The following UBN1 variants were observed in gnomAD, a reference collection of about 807,000 sequenced individuals.
The protein encoded by UBN1 is ubinuclein-1.
A neutral mutation model predicts 108.5 loss-of-function variants in UBN1; 17 were observed. The observed-to-expected ratio is 0.16, with a 90% CI of 0.11 to 0.24. UBN1 has a LOEUF of 0.24. Ranked by LOEUF, UBN1 falls within the 10% of genes least tolerant of loss-of-function variation. The pLI, the probability that UBN1 is intolerant of heterozygous loss-of-function variation, is 1.00. For missense variants in UBN1, 1,595 were observed against 1,394.4 expected (o/e 1.14, Z -2.29); for synonymous variants, 726 against 564.2 (o/e 1.29, Z -4.07).
chr16:4,870,411 T>A (rs7200395), intron 9 of UBN1, 70 bp downstream of exon 9: 1 of 1,607,672 alleles, frequency 6.2e-7, no homozygotes, highest in Non-Finnish European at 8.5e-7. Flanking sequence ...TCTTAAGCAA[T>A]GATGCGTCTG....
intron 1 of UBN1, among the ~76,000 whole-genome samples, chr16:4,850,766 C>A (rs770436056): frequency 6.6e-6 from 1 of 152,126 alleles, no homozygotes; most frequent in Admixed American, 6.5e-5. Flanking sequence ...TATACAAATA[C>A]GTCTACATGT....
intron 17 of UBN1, among the ~76,000 whole-genome samples, chr16:4,879,296 T>C (rs1279555255): frequency 6.6e-6 from 1 of 152,116 alleles, no homozygotes; most frequent in Non-Finnish European, 1.5e-5. Flanking sequence ...AGTCAGTTTT[T>C]AAAACTGTTT....
At chr16:4,867,517 A>G (rs2087394981) in intron 7 of UBN1, among the ~76,000 whole-genome samples, 1 of 152,192 alleles carries the variant, frequency 6.6e-6, no homozygotes. Flanking sequence ...TAATTGGGAA[A>G]TTTCTCAGAG....
rs1198199573 is a variant in UBN1, at chr16:4,881,562, T to A, written c.*1430T>A. 1 of 152,194 alleles carries A rather than the reference T, an allele frequency of 6.6e-6. No individual in the cohort carries two copies. Among genetic ancestry groups the A allele is most frequent in the Non-Finnish European group, 1.5e-5 (1 of 68,038 alleles). 9.4% of individuals were successfully genotyped at this position (152,194 alleles called of 1,614,324 possible). ...GGGAAAACGGACCGCTCTTGGCTCC[T>A]GACTCCCAGGGTACAGCGCCCAGTA... On this transcript the variant is annotated 3_prime_UTR_variant, in exon 18 of 18. Transcript: ENST00000262376.
Position 4,877,532 on chromosome 16 carries a change from C to T in UBN1, c.3355+58C>T. 1 of 1,522,522 alleles carries T rather than the reference C, an allele frequency of 6.6e-7. No individual in the cohort carries two copies. Among genetic ancestry groups the T allele is most frequent in the Non-Finnish European group, 8.8e-7 (1 of 1,137,380 alleles). 94.3% of individuals were successfully genotyped at this position (1,522,522 alleles called of 1,614,324 possible). A position where few individuals can be genotyped will look rare whatever the true frequency, so the allele number is the denominator to read the frequency against. ...CCGTGTGCCTTTGCCCTCTCCACCC[C>T]TAGGTGCTTTGCCGCTGCCAAGGGT... On this transcript the variant is annotated intron_variant, in intron 17 of 17. Transcript: ENST00000262376. This position sits in a 1 kb window ranked among gnomAD's most constrained non-coding sequence, Gnocchi z 4.3.
Position 4,847,626 on chromosome 16 carries a change from C to A in UBN1, c.-624C>A, listed in dbSNP as rs1469771195. 6 of 276,982 alleles carry A rather than the reference C, an allele frequency of 2.2e-5. No homozygotes were observed. The highest frequency in any genetic ancestry group is 3.4e-5 in the Non-Finnish European group (5 of 147,654). The allele number at this position is 276,982 out of a possible 1,614,324, so 17.2% of individuals were successfully genotyped here. A position where few individuals can be genotyped will look rare whatever the true frequency, so the allele number is the denominator to read the frequency against. On this transcript the variant is annotated 5_prime_UTR_variant, in exon 1 of 18. Transcript: ENST00000262376. ...CCCGGGTCTTGGACTCCGCGCCCCT[C>A]CCCTCTCGGCGCTTCCGTTACGCCC...
intron 2 of UBN1, among the ~76,000 whole-genome samples, chr16:4,853,681 C>T (rs917918817): frequency 2.6e-5 from 4 of 151,974 alleles, no homozygotes; most frequent in African/African-American, 9.7e-5. Flanking sequence ...CCTCAACCTC[C>T]CGAGTACCTG....
chr16:4,872,305 TTA>T (rs1443056220), intron 12 of UBN1: 6 of 985,262 alleles, frequency 6.1e-6, no homozygotes, highest in Non-Finnish European at 1.2e-6. Context: ...GCTGTGCCCT[TTA>T]GGGAAGCATC....
intron 12 of UBN1, chr16:4,872,257 T>G: frequency 1.0e-6 from 1 of 985,392 alleles, no homozygotes; most frequent in Non-Finnish European, 1.2e-6. Flanking sequence ...ACTCCACATT[T>G]TATTCCTGGA....
At chr16:4,875,468 A>G (rs1220959422) in intron 15 of UBN1, 34 bp downstream of exon 15, 2 of 1,572,616 alleles carry the variant, frequency 1.3e-6, no homozygotes, top group African/African-American at 2.7e-5. Flanking sequence ...GCCCTGCCCC[A>G]CTCACAGGGG....
intron 8 of UBN1, among the ~76,000 whole-genome samples, chr16:4,869,145 A>G (rs1357836697): frequency 6.6e-6 from 1 of 152,228 alleles, no homozygotes; most frequent in Non-Finnish European, 1.5e-5. Context: ...GGCAGCAGGC[A>G]TTAATAACAT....
intron 7 of UBN1, among the ~76,000 whole-genome samples, chr16:4,862,029 G>C (rs901382306): frequency 6.6e-6 from 1 of 152,220 alleles, no homozygotes; most frequent in Admixed American, 6.5e-5. Context: ...ACTGAGAATT[G>C]TCTGTTCAAG....
Position 4,875,164 on chromosome 16 carries a change from T to C in UBN1, c.2754T>C (p.Ser918=). 6.2e-7 allele frequency: 1 copy of C among 1,614,246 alleles called. No homozygotes were observed. The highest frequency in any genetic ancestry group is 8.5e-7 in the Non-Finnish European group (1 of 1,180,044). Residue 918 remains serine, a synonymous_variant, in exon 15 of 18, where the codon TCT becomes TCC. Coordinates refer to ENST00000262376, the MANE Select transcript of UBN1 (RefSeq NM_001079514.3). ...ISKHGVSSGS[S]SSGGTPVQSS... Reference sequence around the variant, plus strand: ...AACATGGGGTTTCTTCTGGCAGCTCTTCCTCGGGAGGAACACCAGTCCAGA... The same window carrying C: ...AACATGGGGTTTCTTCTGGCAGCTCCTCCTCGGGAGGAACACCAGTCCAGA...
intron 7 of UBN1, 132 bp downstream of exon 7, chr16:4,861,234 C>A: frequency 2.8e-6 from 3 of 1,053,104 alleles, no homozygotes; most frequent in Non-Finnish European, 4.0e-6. Context: ...TTTTTCCAAA[C>A]CCTATTCTCA....
chr16:4,858,534 A>C, intron 3 of UBN1, 34 bp from the exon 4 acceptor site: 1 of 1,594,828 alleles, frequency 6.3e-7, no homozygotes, highest in Non-Finnish European at 8.6e-7. Context: ...GTGTTTATTC[A>C]AAAAGCATGT....
chr16:4,865,216 C>T (rs922115449), intron 7 of UBN1, among the ~76,000 whole-genome samples: 3 of 151,994 alleles, frequency 2.0e-5, no homozygotes, highest in East Asian at 1.9e-4. Flanking sequence ...TTTAAAATGC[C>T]GCAGTCGACT....
chr16:4,878,913 G>T (rs1688473319), intron 17 of UBN1, among the ~76,000 whole-genome samples: 1 of 152,184 alleles, frequency 6.6e-6, no homozygotes, highest in Admixed American at 6.5e-5. Context: ...TTAGGAAGCT[G>T]AGGCAGAAGG....
chr16:4,850,740 A>C (rs1048419342), intron 1 of UBN1, among the ~76,000 whole-genome samples: 5 of 152,262 alleles, frequency 3.3e-5, no homozygotes, highest in Non-Finnish European at 7.3e-5. Flanking sequence ...ATAATTCGAC[A>C]AATGAATATT....
chr16:4,869,510 C>T (rs944338511), intron 8 of UBN1, among the ~76,000 whole-genome samples: 69 of 152,328 alleles, frequency 4.5e-4, no homozygotes, highest in African/African-American at 1.6e-3. Flanking sequence ...CTCCTGGTTG[C>T]AGTTTGTGGC....
Sources: gnomAD v4.1 joint callset for allele counts (sites outside exome capture counted in the v4.1 genomes callset) on GRCh38, gnomAD v4.1.1 for gene constraint, Gnocchi (gnomAD v3.1) non-coding constraint, MANE v1.5 for transcripts, NCBI Gene and HGNC (gene_info 2026-07-23, HGNC 2026-07-21) for gene names.